HGD: variants seen among roughly 807,000 people sequenced by gnomAD.
The protein encoded by HGD is homogentisate 1,2-dioxygenase, also known as homogentisate oxidase.
In HGD, 61 loss-of-function variants were observed where a neutral mutation model predicts 60.8. The observed-to-expected ratio is 1.00, with a 90% CI of 0.82 to 1.24. The LOEUF (loss-of-function observed/expected upper bound fraction) is 1.24. HGD is among the 50% of genes most tolerant of loss of function. The probability of loss-of-function intolerance (pLI) is 0.00; values close to 1 mark genes in which losing one functional copy is unlikely to be tolerated. For missense variants in HGD, 542 were observed against 547.1 expected, an observed-to-expected ratio of 0.99 and a Z score of 0.09; for synonymous variants, 212 against 187.7, an observed-to-expected ratio of 1.13 and a Z score of -1.06.
chr3:120,675,769 C>T (rs775304404), intron 2 of HGD, 23 bp downstream of exon 2: 106 of 1,596,710 alleles, frequency 6.6e-5, no homozygotes, highest in Admixed American at 3.8e-4. Flanking sequence ...CAGAGCTCTT[C>T]TAAGCACTTT....
Position 120,670,416 on chromosome 3 carries a change from G to A in HGD, c.282+11C>T, listed in dbSNP as rs775166679. 2.2e-6 allele frequency: 3 copies of A among 1,351,626 alleles called. No homozygotes were observed. Among genetic ancestry groups the A allele is most frequent in the East Asian group, 4.6e-5 (2 of 43,734 alleles). 83.7% of individuals were successfully genotyped at this position (1,351,626 alleles called of 1,614,324 possible). A position where few individuals can be genotyped will look rare whatever the true frequency, so the allele number is the denominator to read the frequency against. Reference sequence around the variant, plus strand: ...GTATATGATAAGCTTCAATTCACAGGACCAGGTTACCTGGTTAGGATCAGG... The same window carrying A: ...GTATATGATAAGCTTCAATTCACAGAACCAGGTTACCTGGTTAGGATCAGG... On this transcript the variant is annotated intron_variant, in intron 4 of 13. Coordinates refer to ENST00000283871, the MANE Select transcript of HGD (RefSeq NM_000187.4).
intron 6 of HGD, among the ~76,000 whole-genome samples, chr3:120,648,467 T>A: frequency 6.6e-6 from 1 of 152,228 alleles, no homozygotes; most frequent in East Asian, 1.9e-4. Context: ...GATTCATGGC[T>A]CACAAGGTCG....
intron 4 of HGD, among the ~76,000 whole-genome samples, 187 bp from the exon 5 acceptor site, chr3:120,652,838 ATTTGTGCACGTGCACACACATG>A (rs1941385323): frequency 6.6e-6 from 1 of 152,194 alleles, no homozygotes; most frequent in African/African-American, 2.4e-5. Context: ...AGTGTGTGTT[ATTTGTGCACGTGCACACACATG>A]TTTGTGTGTT....
chr3:120,629,366 T>C (rs1940514113), intron 13 of HGD, among the ~76,000 whole-genome samples: 1 of 152,180 alleles, frequency 6.6e-6, no homozygotes, highest in Admixed American at 6.5e-5. Context: ...AATAATAGAA[T>C]TATCTTGTGC....
At chr3:120,673,097 T>C (rs17140367) in intron 3 of HGD, among the ~76,000 whole-genome samples, 34,896 of 152,112 alleles carry the variant, frequency 0.23, 4,402 homozygotes, top group African/African-American at 0.33. Flanking sequence ...ATTTTCCCAC[T>C]GGAGATTTTG....
chr3:120,665,457 G>GT (rs1262278479), intron 4 of HGD, among the ~76,000 whole-genome samples: 1 of 152,170 alleles, frequency 6.6e-6, no homozygotes, highest in Non-Finnish European at 1.5e-5. Context: ...TAAAATCATG[G>GT]TTAAATTGGA....
At chr3:120,647,125 T>G (rs573049172) in intron 7 of HGD, 73 bp from the exon 8 acceptor site, 1 of 1,161,224 alleles carries the variant, frequency 8.6e-7, no homozygotes, top group East Asian at 2.3e-5. Context: ...AGGAAAGGCT[T>G]AAGGCTGCAT....
chr3:120,653,280 C>A (rs1941398215), intron 4 of HGD, among the ~76,000 whole-genome samples: 1 of 152,208 alleles, frequency 6.6e-6, no homozygotes, highest in African/African-American at 2.4e-5. Flanking sequence ...ATGAAATGAT[C>A]TAAGGAAGAG....
At chr3:120,670,366 T>C (rs931866188) in intron 4 of HGD, 61 bp downstream of exon 4, 3 of 827,198 alleles carry the variant, frequency 3.6e-6, no homozygotes, top group Non-Finnish European at 2.2e-6. Context: ...GTATTCTATT[T>C]AGGTATTTCT....
chr3:120,678,946 A>C (rs1708183415), intron 1 of HGD, among the ~76,000 whole-genome samples: 1 of 152,248 alleles, frequency 6.6e-6, no homozygotes, highest in African/African-American at 2.4e-5. Flanking sequence ...GTGCCTATGT[A>C]AAAGTATACT....
Position 120,650,837 on chromosome 3 carries a change from T to C in HGD, c.371A>G (p.Asp124Gly). The C allele has an allele frequency of 6.2e-7, 1 of 1,614,004 alleles. No individual in the cohort carries two copies. The highest frequency in any genetic ancestry group is 8.5e-7 in the Non-Finnish European group (1 of 1,179,890). Residue 124 changes from aspartate (D) to glycine (G), a missense_variant, in exon 6 of 14, where the codon GAC becomes GGC. Physicochemically the swap from Asp to Gly is moderately conservative, Grantham distance 94 (BLOSUM62 -1). Around this residue, in one of 2 missense-constraint regions of HGD, gnomAD observed 537 missense variants for 529.1 expected, o/e 1.01. Transcript: ENST00000283871. ...AGCAAGCCCATTGTTAGACTTTATG[T>C]CTCCAGCTCCACACAAGGTATGCAG... ...SGLHTLCGAG[D>G]IKSNNGLAIH...
At chr3:120,666,670 T>C (rs1359604565) in intron 4 of HGD, among the ~76,000 whole-genome samples, 2 of 151,962 alleles carry the variant, frequency 1.3e-5, no homozygotes, top group African/African-American at 4.8e-5. Context: ...TTAGTAGAGA[T>C]GGTGTTTCTC....
At chr3:120,648,874 A>T (rs1468994899) in intron 6 of HGD, among the ~76,000 whole-genome samples, 1 of 152,196 alleles carries the variant, frequency 6.6e-6, no homozygotes, top group Non-Finnish European at 1.5e-5. Context: ...GTCAACAATA[A>T]TTTGGCACCT....
chr3:120,641,840 C>T, intron 10 of HGD, 147 bp from the exon 11 acceptor site: 1 of 688,020 alleles, frequency 1.5e-6, no homozygotes, highest in Non-Finnish European at 2.6e-6. Flanking sequence ...AGAAGTATAA[C>T]CCTGAATCAT....
chr3:120,682,219 A>G lies in HGD; in HGVS notation c.-108T>C, dbSNP rs568270873. On this transcript the variant is annotated 5_prime_UTR_variant, in exon 1 of 14. Transcript: ENST00000283871. ...CCACTCTTTGGATATTCCGGTTCCCACTGCTTCACTGCGCTTCACTGGTCA... is the reference window on the plus strand; with the variant it reads ...CCACTCTTTGGATATTCCGGTTCCCGCTGCTTCACTGCGCTTCACTGGTCA... The G allele has an allele frequency of 8.6e-5, 90 of 1,051,312 alleles. 1 individual carries two copies. In the African/African-American group the frequency reaches 1.3e-3, roughly 15 times the overall value. 65.1% of individuals were successfully genotyped at this position (1,051,312 alleles called of 1,614,324 possible). A position where few individuals can be genotyped will look rare whatever the true frequency, so the allele number is the denominator to read the frequency against.
At chr3:120,641,905 C>G (rs1940995469) in intron 10 of HGD, 1 of 570,902 alleles carries the variant, frequency 1.8e-6, no homozygotes, top group African/African-American at 1.9e-5. Flanking sequence ...TTTTCTGGTT[C>G]ATAAGCTGCA....
intron 6 of HGD, among the ~76,000 whole-genome samples, chr3:120,649,882 G>A (rs1456435128): frequency 6.6e-6 from 1 of 152,124 alleles, no homozygotes; most frequent in African/African-American, 2.4e-5. Flanking sequence ...ACTCGGTGGT[G>A]AAACACTGTG....
chr3:120,664,630 T>C (rs111359261), intron 4 of HGD, among the ~76,000 whole-genome samples: 1,546 of 151,890 alleles, frequency 0.01, 19 homozygotes, highest in African/African-American at 0.036. Flanking sequence ...AGGGTCTTGC[T>C]ATGTTGCCAG....
At position 120,628,544 on chromosome 3, in the gene HGD, G is replaced by A. The variant is rs1003774925; in HGVS notation, c.1189-15C>T. 3 of 1,613,656 alleles carry A rather than the reference G, an allele frequency of 1.9e-6. No homozygotes were observed. Among genetic ancestry groups the A allele is most frequent in the East Asian group, 2.2e-5 (1 of 44,866 alleles). On this transcript the variant is annotated splice_polypyrimidine_tract_variant and intron_variant, in intron 13 of 13. Coordinates refer to ENST00000283871, the MANE Select transcript of HGD (RefSeq NM_000187.4). ...AACATAAATGCCTGGAGGAAGTGAC[G>A]ATGGGGATGAGAAAAAAGAGGTGAG...
Sources: gnomAD v4.1 joint callset for allele counts (sites outside exome capture counted in the v4.1 genomes callset) on GRCh38, gnomAD v4.1.1 for gene constraint, gnomAD v4.1.1 regional missense constraint, MANE v1.5 for transcripts, NCBI Gene and HGNC (gene_info 2026-07-23, HGNC 2026-07-21) for gene names.